Variants in ARHGAP23 observed in about 807,000 individuals in gnomAD.
The protein encoded by ARHGAP23 is Rho GTPase activating protein 23.
A neutral mutation model predicts 136.3 loss-of-function variants in ARHGAP23; 34 were observed. The ratio of observed to expected loss-of-function variants is 0.25; its 90% CI spans 0.19 to 0.33. ARHGAP23 has a LOEUF of 0.33. ARHGAP23 is among the 10% of genes least tolerant of loss of function. ARHGAP23 has a pLI of 1.00. For synonymous variants in ARHGAP23, 832 were observed against 920.5 expected (o/e 0.90, Z 1.74); for missense variants, 1,808 against 2,139.0 (o/e 0.85, Z 3.05).
chr17:38,505,343 G>A (rs1316228097), intron 23 of ARHGAP23, among the ~76,000 whole-genome samples: 3 of 151,744 alleles, frequency 2.0e-5, no homozygotes. Flanking sequence ...CTTGAGGAAG[G>A]GGACCACTTT....
chr17:38,472,967 C>T (rs1374650175), intron 11 of ARHGAP23, among the ~76,000 whole-genome samples: 11 of 152,174 alleles, frequency 7.2e-5, no homozygotes, highest in South Asian at 4.1e-4. Context: ...GACGGAGTCT[C>T]GCTCTGTTGC....
chr17:38,431,519 C>T (rs1395819314), intron 1 of ARHGAP23, among the ~76,000 whole-genome samples: 2 of 152,126 alleles, frequency 1.3e-5, no homozygotes, highest in Non-Finnish European at 2.9e-5. Context: ...TCAAACAACC[C>T]GCCTTCAGAT....
intron 1 of ARHGAP23, among the ~76,000 whole-genome samples, chr17:38,440,632 C>T (rs1016743477): frequency 9.9e-5 from 15 of 152,184 alleles, no homozygotes; most frequent in Non-Finnish European, 1.6e-4. Context: ...GGTGCCAGGC[C>T]CTTGGTGGCA....
chr17:38,460,875 C>T (rs934392453), intron 2 of ARHGAP23, 30 bp from the exon 3 acceptor site: 15 of 1,536,054 alleles, frequency 9.8e-6, no homozygotes, highest in East Asian at 7.3e-5. Flanking sequence ...GCTGGACTGA[C>T]GCCCACACCC....
chr17:38,478,523 T>C (rs1481332067), intron 12 of ARHGAP23, among the ~76,000 whole-genome samples: 1 of 151,978 alleles, frequency 6.6e-6, no homozygotes, highest in Non-Finnish European at 1.5e-5. Flanking sequence ...CAAGTGATTC[T>C]CCTGCCTTAG....
At chr17:38,466,088 T>C (rs1199358156) in intron 6 of ARHGAP23, 79 bp from the exon 7 acceptor site, 23 of 1,227,146 alleles carry the variant, frequency 1.9e-5, no homozygotes, top group Non-Finnish European at 2.4e-5. Flanking sequence ...CCTGGGCTCC[T>C]TGACCTCCTC....
chr17:38,441,179 G>A (rs1399733107), intron 1 of ARHGAP23, among the ~76,000 whole-genome samples: 1 of 152,214 alleles, frequency 6.6e-6, no homozygotes, highest in Non-Finnish European at 1.5e-5. Context: ...TCACTTGCAT[G>A]ACAACACCCC....
At chr17:38,492,648 AG>A (rs2040303091) in intron 20 of ARHGAP23, among the ~76,000 whole-genome samples, 1 of 152,186 alleles carries the variant, frequency 6.6e-6, no homozygotes, top group South Asian at 2.1e-4. Context: ...CGAGGTGGTG[AG>A]CAGCTGAGCC....
chr17:38,512,080 TC>T lies in ARHGAP23; in HGVS notation c.*1109del, dbSNP rs1231800950. On this transcript the variant is annotated 3_prime_UTR_variant, in exon 24 of 24. Transcript: ENST00000622683. ...AACCCGCTGCCACGTCTATCAGTCC[TC>T]TTGTTTTATGCAAAGATTTACTGTA... The T allele has an allele frequency of 6.6e-6, 1 of 152,230 alleles. No individual in the cohort carries two copies. Among genetic ancestry groups the T allele is most frequent in the East Asian group, 1.9e-4 (1 of 5,200 alleles). 9.4% of individuals were successfully genotyped at this position (152,230 alleles called of 1,614,324 possible). A position where few individuals can be genotyped will look rare whatever the true frequency, so the allele number is the denominator to read the frequency against.
intron 11 of ARHGAP23, among the ~76,000 whole-genome samples, chr17:38,472,390 A>G (rs1454872024): frequency 6.7e-6 from 1 of 150,298 alleles, no homozygotes; most frequent in Non-Finnish European, 1.5e-5. Flanking sequence ...CAAGCCAGCA[A>G]AGGGCTTAGT....
chr17:38,477,538 C>G lies in ARHGAP23; in HGVS notation c.2119-41C>G. The stretch of plus-strand genomic sequence containing the variant: ...TGAGAGCAGTGGGCAAAACTGGCCT[C>G]TCACCATTCCTGTCTCCCCCAACCC... On this transcript the variant is annotated intron_variant, in intron 11 of 23. Transcript: ENST00000622683. This position sits in a 1 kb window ranked among gnomAD's most constrained non-coding sequence, Gnocchi z 6.6. The G allele has an allele frequency of 8.1e-7, 1 of 1,231,146 alleles. No homozygotes were observed. Among genetic ancestry groups the G allele is most frequent in the Non-Finnish European group, 1.0e-6 (1 of 982,474 alleles). 76.3% of individuals were successfully genotyped at this position (1,231,146 alleles called of 1,614,324 possible). A position where few individuals can be genotyped will look rare whatever the true frequency, so the allele number is the denominator to read the frequency against.
At position 38,438,317 on chromosome 17, in the gene ARHGAP23, G is replaced by A. The variant is rs865834560; in HGVS notation, c.63+9769G>A. On this transcript the variant is annotated intron_variant, in intron 1 of 23. Transcript: ENST00000622683. Reference sequence around the variant, plus strand: ...CAGCCTGGTGACAGAGTGAGACTCCGTCTCAAAAAAAAAAAAAAAAAAAAG... The same window carrying A: ...CAGCCTGGTGACAGAGTGAGACTCCATCTCAAAAAAAAAAAAAAAAAAAAG... 1.9e-4 allele frequency among the ~76,000 whole-genome samples: 12 copies of A among 63,670 alleles called. No homozygotes were observed. In the Middle Eastern group the frequency reaches 0.031, roughly 166 times the overall value. The allele number at this position is 63,670 out of a possible 152,430, so 41.8% of individuals were successfully genotyped here. A position where few individuals can be genotyped will look rare whatever the true frequency, so the allele number is the denominator to read the frequency against.
At chr17:38,439,152 G>T (rs2038866782) in intron 1 of ARHGAP23, among the ~76,000 whole-genome samples, 1 of 151,620 alleles carries the variant, frequency 6.6e-6, no homozygotes. Context: ...ACTCCAGCCT[G>T]GGTGACAAGA....
intron 16 of ARHGAP23, 68 bp from the exon 17 acceptor site, chr17:38,485,994 T>G: frequency 6.9e-7 from 1 of 1,440,692 alleles, no homozygotes; most frequent in Non-Finnish European, 9.5e-7. Flanking sequence ...GGCTCTGGGG[T>G]GAATGATCGT....
At chr17:38,432,060 G>A (rs1171793488) in intron 1 of ARHGAP23, among the ~76,000 whole-genome samples, 1 of 152,166 alleles carries the variant, frequency 6.6e-6, no homozygotes, top group Non-Finnish European at 1.5e-5. Flanking sequence ...GAACAGCCCC[G>A]CCTGTGGCCC....
intron 1 of ARHGAP23, among the ~76,000 whole-genome samples, chr17:38,436,944 T>C (rs2038810990): frequency 6.6e-6 from 1 of 152,254 alleles, no homozygotes; most frequent in South Asian, 2.1e-4. Flanking sequence ...CAGTTGGTGA[T>C]ATGATTAATC....
Position 38,498,513 on chromosome 17 carries a change from G to C in ARHGAP23, c.3415+3G>C. On this transcript the variant is annotated splice_donor_region_variant and intron_variant, in intron 22 of 23. Transcript: ENST00000622683. The stretch of plus-strand genomic sequence containing the variant: ...GCCCCCTGGCGACCCGGGGTCAGGT[G>C]AGCGCAGGGGCCTGGGAGTGGGGAG... 6.5e-7 allele frequency: 1 copy of C among 1,541,858 alleles called. No individual in the cohort carries two copies. Among genetic ancestry groups the C allele is most frequent in the Non-Finnish European group, 8.8e-7 (1 of 1,142,356 alleles).
upstream of ARHGAP23, among the ~76,000 whole-genome samples, chr17:38,426,743 A>T (rs1244165855): frequency 1.3e-5 from 2 of 151,902 alleles, no homozygotes; most frequent in South Asian, 2.1e-4. Context: ...CTGCCAGGGG[A>T]TTTAAAATAC....
intron 11 of ARHGAP23, among the ~76,000 whole-genome samples, chr17:38,472,304 C>T (rs1307103431): frequency 2.0e-5 from 3 of 152,138 alleles, no homozygotes; most frequent in Non-Finnish European, 4.4e-5. Context: ...TGAAGATGGC[C>T]GCTGGGGCTC....
Sources: allele counts gnomAD v4.1 joint callset (sites outside exome capture counted in the v4.1 genomes callset), GRCh38; gene constraint gnomAD v4.1.1; non-coding constraint Gnocchi (gnomAD v3.1); transcripts MANE v1.5; gene names NCBI Gene and HGNC (gene_info 2026-07-23, HGNC 2026-07-21).